The following DLG2 variants were observed in gnomAD, a reference collection of about 807,000 sequenced individuals.
DLG2 encodes the protein discs large MAGUK scaffold protein 2, also known as disks large homolog 2.
Under a neutral mutation model 132.5 loss-of-function variants are expected in DLG2, and 45 were observed. That is an observed-to-expected ratio of 0.34 (90% CI 0.27 to 0.44). The LOEUF is 0.44. DLG2 is among the 20% of genes least tolerant of loss of function. DLG2 has a pLI of 1.00. For synonymous variants in DLG2, 424 were observed against 419.6 expected, an observed-to-expected ratio of 1.01 and a Z score of -0.13; for missense variants, 1,045 against 1,196.9, an observed-to-expected ratio of 0.87 and a Z score of 1.87.
chr11:85,026,567 G>A (rs2060531786), intron 6 of DLG2, among the ~76,000 whole-genome samples: 1 of 152,104 alleles, frequency 6.6e-6, no homozygotes, highest in African/African-American at 2.4e-5. Context: ...GCCGGGCGCG[G>A]TAGCTCACAC....
chr11:85,317,219 G>A (rs952570252), intron 3 of DLG2, among the ~76,000 whole-genome samples: 1 of 151,932 alleles, frequency 6.6e-6, no homozygotes, highest in Non-Finnish European at 1.5e-5. Flanking sequence ...AGAGGATGTG[G>A]TAAAGCTGCA....
intron 7 of DLG2, among the ~76,000 whole-genome samples, chr11:84,373,075 G>A (rs1567447611): frequency 6.6e-6 from 1 of 151,538 alleles, no homozygotes; most frequent in Non-Finnish European, 1.5e-5. Context: ...GACAGAGAGA[G>A]GCAAGAGAAG....
chr11:85,569,805 C>A (rs1228803639), intron 3 of DLG2, among the ~76,000 whole-genome samples: 1 of 152,170 alleles, frequency 6.6e-6, no homozygotes, highest in Non-Finnish European at 1.5e-5. Context: ...TTAGTTCAGC[C>A]ATTGTGGAAA....
At chr11:85,599,664 A>G (rs1027273139) in intron 2 of DLG2, among the ~76,000 whole-genome samples, 2 of 152,142 alleles carry the variant, frequency 1.3e-5, no homozygotes, top group Non-Finnish European at 2.9e-5. Context: ...TCAACTGAAC[A>G]CCTACTTTCT....
chr11:84,088,387 A>C (rs995767016), intron 10 of DLG2, among the ~76,000 whole-genome samples: 1 of 152,002 alleles, frequency 6.6e-6, no homozygotes, highest in African/African-American at 2.4e-5. Context: ...AAAAAAAAAA[A>C]ACAAAAATCC....
At chr11:84,557,358 C>A (rs556255800) in intron 6 of DLG2, among the ~76,000 whole-genome samples, 1 of 151,906 alleles carries the variant, frequency 6.6e-6, no homozygotes, top group East Asian at 1.9e-4. Context: ...TGCTGCCCTG[C>A]CCTATTGATT....
rs377324034 is a variant in DLG2, at chr11:83,786,784, G to T, written c.1731C>A (p.Gly577=). Residue 577 remains glycine, a synonymous_variant, in exon 18 of 28, where the codon GGC becomes GGA. Coordinates refer to ENST00000376104, the MANE Select transcript of DLG2 (RefSeq NM_001142699.3). ...QRGDQILSVN[G]IDLRGASHEQ... ...CGTGGGATGCACCACGGAGGTCAATGCCATTCACCTGAAAGAGAGGAAGCC... is the reference window on the plus strand; with the variant it reads ...CGTGGGATGCACCACGGAGGTCAATTCCATTCACCTGAAAGAGAGGAAGCC... The T allele has an allele frequency of 6.2e-7, 1 of 1,613,772 alleles. No homozygotes were observed. Among genetic ancestry groups the T allele is most frequent in the African/African-American group, 1.3e-5 (1 of 74,892 alleles).
chr11:85,081,131 A>G (rs1424073477), intron 6 of DLG2, among the ~76,000 whole-genome samples: 2 of 152,184 alleles, frequency 1.3e-5, no homozygotes, highest in Non-Finnish European at 2.9e-5. Flanking sequence ...ATTACCAAAA[A>G]GGAAAAAATA....
intron 6 of DLG2, among the ~76,000 whole-genome samples, chr11:84,585,621 T>C (rs1279445612): frequency 1.3e-5 from 2 of 152,262 alleles, no homozygotes; most frequent in African/African-American, 2.4e-5. Context: ...ATACTGAATA[T>C]TTATATCCAT....
chr11:83,612,748 G>T (rs2060288690), intron 19 of DLG2, among the ~76,000 whole-genome samples: 1 of 152,168 alleles, frequency 6.6e-6, no homozygotes, highest in Non-Finnish European at 1.5e-5. Context: ...AACTGAATGG[G>T]AAGGAGGAAG....
At chr11:84,041,345 T>C (rs967153385) in intron 11 of DLG2, among the ~76,000 whole-genome samples, 6 of 151,918 alleles carry the variant, frequency 3.9e-5, no homozygotes, top group East Asian at 3.9e-4. Flanking sequence ...TAAGCAGTTA[T>C]AAAGTTAAAG....
chr11:85,369,558 AG>A (rs1437312961), intron 3 of DLG2, among the ~76,000 whole-genome samples: 5 of 152,044 alleles, frequency 3.3e-5, no homozygotes, highest in Admixed American at 3.3e-4. Context: ...GTCATGAAAA[AG>A]GATTTGTGGG....
At chr11:84,483,390 C>T (rs909863265) in intron 7 of DLG2, among the ~76,000 whole-genome samples, 1 of 139,916 alleles carries the variant, frequency 7.1e-6, no homozygotes, top group Non-Finnish European at 1.5e-5. Context: ...TGGATCATGC[C>T]ATTGCACTCC....
At chr11:84,315,880 C>G (rs922378375) in intron 7 of DLG2, among the ~76,000 whole-genome samples, 1 of 152,048 alleles carries the variant, frequency 6.6e-6, no homozygotes, top group Non-Finnish European at 1.5e-5. Context: ...TATTTATGAT[C>G]AATATCTACT....
intron 6 of DLG2, among the ~76,000 whole-genome samples, chr11:85,089,808 C>T (rs747862083): frequency 1.3e-5 from 2 of 151,964 alleles, no homozygotes; most frequent in African/African-American, 4.8e-5. Context: ...AAGCGGCCAA[C>T]AAAAATATGA....
chr11:84,246,046 T>A (rs912605644), intron 8 of DLG2, among the ~76,000 whole-genome samples: 1 of 152,208 alleles, frequency 6.6e-6, no homozygotes, highest in Admixed American at 6.5e-5. Flanking sequence ...ATACCCTGGA[T>A]AGCTACTGTC....
chr11:83,867,286 G>A (rs2062576817), intron 16 of DLG2, among the ~76,000 whole-genome samples: 1 of 151,880 alleles, frequency 6.6e-6, no homozygotes, highest in South Asian at 2.1e-4. Flanking sequence ...CCATAAAGTG[G>A]GTTAAAGGTA....
Position 84,882,373 on chromosome 11 carries a change from G to T in DLG2, c.357+229288C>A, listed in dbSNP as rs543888475. Among the ~76,000 whole-genome samples the T allele has an allele frequency of 1.5e-4, 23 of 152,124 alleles. No individual in the cohort carries two copies. In the South Asian group the frequency reaches 4.8e-3, roughly 32 times the overall value. On this transcript the variant is annotated intron_variant, in intron 6 of 27. Transcript: ENST00000376104. ...CATGTTTATTTTCTTCTGGAATCGG[G>T]GAAAGTTTGGGATTTTCTTTTTTCT...
At chr11:85,465,461 C>A (rs1391055633) in intron 3 of DLG2, among the ~76,000 whole-genome samples, 1 of 152,086 alleles carries the variant, frequency 6.6e-6, no homozygotes, top group Admixed American at 6.6e-5. Flanking sequence ...CCCGCTCCCC[C>A]CACCCCACAA....
Sources: gnomAD v4.1 joint callset for allele counts (sites outside exome capture counted in the v4.1 genomes callset) on GRCh38, gnomAD v4.1.1 for gene constraint, MANE v1.5 for transcripts, NCBI Gene and HGNC (gene_info 2026-07-23, HGNC 2026-07-21) for gene names.